STK11IP: variants seen among roughly 807,000 people sequenced by gnomAD.
STK11IP encodes the protein serine/threonine-protein kinase 11-interacting protein.
In STK11IP, 103 loss-of-function variants were observed where a neutral mutation model predicts 131.7. That is an observed-to-expected ratio of 0.78 (90% CI 0.67 to 0.92). STK11IP has a LOEUF of 0.92. Among genes scored for constraint, STK11IP ranks in the 40% least tolerant of loss-of-function variants. The probability of loss-of-function intolerance (pLI) is 0.00; values close to 1 mark genes in which losing one functional copy is unlikely to be tolerated. For missense variants in STK11IP, 1,315 were observed against 1,385.7 expected, an observed-to-expected ratio of 0.95 and a Z score of 0.81; for synonymous variants, 557 against 575.6, an observed-to-expected ratio of 0.97 and a Z score of 0.46.
Position 219,611,832 on chromosome 2 carries a change from C to A in STK11IP, c.2333C>A (p.Pro778His). The part of the protein sequence containing the change: ...TRDHGSWSLS[P>H]PPERCGLRSV... ...GACCATGGTAGTTGGAGCCTCAGTC[C>A]CCGTGAGTATAGGCAAAACAAGACA... The change falls in exon 18 of 25, where the codon CCC (proline) becomes CAC (histidine). Residue 778 changes from proline to histidine, a missense_variant and splice_region_variant. Transcript: ENST00000456909. 6.2e-7 allele frequency: 1 copy of A among 1,610,896 alleles called. No individual in the cohort carries two copies. Among genetic ancestry groups the A allele is most frequent in the Non-Finnish European group, 8.5e-7 (1 of 1,178,848 alleles).
Position 219,613,240 on chromosome 2 carries a change from A to T in STK11IP, c.2537+15A>T. On this transcript the variant is annotated intron_variant, in intron 20 of 24. Transcript: ENST00000456909. ...GGGGAGATGCGGTGAGTGAGAGGGG[A>T]GATGCAGTGAGTAAGGGGGGAGATG... 1 of 1,293,644 alleles carries T rather than the reference A, an allele frequency of 7.7e-7. No individual in the cohort carries two copies. The highest frequency in any genetic ancestry group is 1.1e-6 in the Non-Finnish European group (1 of 935,472). The allele number at this position is 1,293,644 out of a possible 1,614,324, so 80.1% of individuals were successfully genotyped here. A position where few individuals can be genotyped will look rare whatever the true frequency, so the allele number is the denominator to read the frequency against.
intron 2 of STK11IP, among the ~76,000 whole-genome samples, chr2:219,599,077 C>G (rs949021071): frequency 3.9e-5 from 6 of 152,082 alleles, no homozygotes; most frequent in African/African-American, 1.4e-4. Flanking sequence ...CTCTTTATAG[C>G]AGTTTTCTTT....
chr2:219,608,795 G>C lies in STK11IP; in HGVS notation c.1809+7G>C, dbSNP rs770187005. The C allele has an allele frequency of 6.3e-7, 1 of 1,591,660 alleles. No individual in the cohort carries two copies. The highest frequency in any genetic ancestry group is 1.1e-5 in the South Asian group (1 of 88,554). ...GAGGTCGCCCAGGCCCACGGTGAGT[G>C]GGGCGTGGCAGGGTCTCTGGAGGAG... On this transcript the variant is annotated splice_region_variant and intron_variant, in intron 15 of 24. Transcript: ENST00000456909.
intron 8 of STK11IP, 41 bp downstream of exon 8, chr2:219,605,775 G>A (rs142038059): frequency 1.3e-6 from 2 of 1,585,322 alleles, no homozygotes; most frequent in Middle Eastern, 1.7e-4. Flanking sequence ...GGAGGGGAAG[G>A]GGGAGAGTGA....
intron 10 of STK11IP, 50 bp downstream of exon 10, chr2:219,606,340 TC>T: frequency 6.5e-7 from 1 of 1,545,574 alleles, no homozygotes; most frequent in Non-Finnish European, 8.8e-7. Context: ...TGCCCAGTCC[TC>T]CCCCACCTTG....
chr2:219,610,579 T>G (rs1053243888), intron 17 of STK11IP, among the ~76,000 whole-genome samples: 1 of 152,100 alleles, frequency 6.6e-6, no homozygotes, highest in African/African-American at 2.4e-5. Context: ...ATTTTTTGTA[T>G]TTTTAGTAGA....
In STK11IP at chr2:219,615,321, C is replaced by A; in HGVS notation, c.3097C>A (p.Arg1033=). The A allele has an allele frequency of 1.2e-6, 2 of 1,601,576 alleles. No homozygotes were observed. Among genetic ancestry groups the A allele is most frequent in the Non-Finnish European group, 1.7e-6 (2 of 1,179,024 alleles). The change falls in exon 24 of 25, where the codon CGG becomes AGG. Residue 1033 remains arginine, a synonymous_variant. Coordinates refer to ENST00000456909, the MANE Select transcript of STK11IP (RefSeq NM_052902.4). ...LLYRSAPEDL[R]LLFYDEVSRL... ...CTACCGCTCAGCCCCTGAGGACTTG[C>A]GGCTGCTCTTCTACGATGAGGTGTG...
chr2:219,598,472 G>C (rs999837710), intron 2 of STK11IP: 4 of 350,608 alleles, frequency 1.1e-5, no homozygotes, highest in Non-Finnish European at 2.1e-5. Flanking sequence ...CTCAGGACCA[G>C]GGACTGATCT....
At position 219,608,067 on chromosome 2, in the gene STK11IP, C is replaced by G. The variant is rs758197677; in HGVS notation, c.1240C>G (p.Pro414Ala). ...SPAGWFVQQH[P>A]ELELMSSFRE... ...CCTAGGATGGTTCGTGCAGCAGCAC[C>G]CGGAGCTGGAGCTCATGAGCAGCTT... Residue 414 changes from proline to alanine, a missense_variant, in exon 14 of 25, where the codon CCG becomes GCG. Transcript: ENST00000456909. 6.2e-7 allele frequency: 1 copy of G among 1,612,014 alleles called. No individual in the cohort carries two copies. Among genetic ancestry groups the G allele is most frequent in the Admixed American group, 1.7e-5 (1 of 60,012 alleles).
rs763386132 is a variant in STK11IP at position 219,602,694 on chromosome 2, G to A, written c.547-11G>A. ...AACATCGATTCTCTGCCTCCTCCCC[G>A]TCTCTCTCAGCGCCTCTTGTCAGCT... On this transcript the variant is annotated splice_polypyrimidine_tract_variant and intron_variant, in intron 6 of 24. Coordinates refer to ENST00000456909, the MANE Select transcript of STK11IP (RefSeq NM_052902.4). The A allele has an allele frequency of 2.0e-5, 32 of 1,613,350 alleles. No individual in the cohort carries two copies. The highest frequency in any genetic ancestry group is 1.6e-4 in the Middle Eastern group (1 of 6,084).
chr2:219,600,074 T>C, intron 2 of STK11IP, among the ~76,000 whole-genome samples: 1 of 143,446 alleles, frequency 7.0e-6, no homozygotes, highest in Non-Finnish European at 1.5e-5. Flanking sequence ...TTTTTTTTTT[T>C]TTTTTTGAGA....
chr2:219,603,228 G>A (rs775242607), intron 7 of STK11IP, among the ~76,000 whole-genome samples: 7 of 152,016 alleles, frequency 4.6e-5, no homozygotes, highest in Non-Finnish European at 8.8e-5. Context: ...TTTTAGTAGA[G>A]ATGGGGTTTC....
At position 219,605,804 on chromosome 2, in the gene STK11IP, G is replaced by A. The variant is rs1315678356; in HGVS notation, c.745+70G>A. ...AGAGTGAGGCTGGGGCTGGCCTGGG[G>A]ACCATGTGCCTCTAGAGCCTTGAGA... On this transcript the variant is annotated intron_variant, in intron 8 of 24. Coordinates refer to ENST00000456909, the MANE Select transcript of STK11IP (RefSeq NM_052902.4). 2.6e-6 allele frequency: 4 copies of A among 1,551,816 alleles called. No individual in the cohort carries two copies. The African/African-American group carries it at 4.1e-5, about 16-fold the overall frequency.
intron 24 of STK11IP, chr2:219,615,652 G>A (rs1312940707): frequency 6.6e-5 from 43 of 650,216 alleles, no homozygotes; most frequent in South Asian, 2.9e-4. Flanking sequence ...TATGCCAGCC[G>A]TTTGGCCTTT....
rs752888789 is a variant in STK11IP, at chr2:219,601,451, T to G, written c.267+11T>G. 6.2e-7 allele frequency: 1 copy of G among 1,613,744 alleles called. No homozygotes were observed. Among genetic ancestry groups the G allele is most frequent in the Non-Finnish European group, 8.5e-7 (1 of 1,179,768 alleles). ...ACACTTTCACTCAAGGTTCTGGGTG[T>G]GGGGAAGAGGCAGGATGTGCAAGGA... On this transcript the variant is annotated intron_variant, in intron 3 of 24. Coordinates refer to ENST00000456909, the MANE Select transcript of STK11IP (RefSeq NM_052902.4).
rs953569661 is a variant in STK11IP at position 219,608,254 on chromosome 2, C to G, written c.1427C>G (p.Ala476Gly). The change falls in exon 14 of 25, where the codon GCC (alanine) becomes GGC (glycine). Residue 476 changes from alanine to glycine, a missense_variant. Ala to Gly is a moderately conservative substitution (Grantham distance 60, BLOSUM62 0). Coordinates refer to ENST00000456909, the MANE Select transcript of STK11IP (RefSeq NM_052902.4). ...APRPSPPQEE[A>G]RGPQESPQKM... ...AGACCTTCACCCCCGCAGGAGGAAG[C>G]CAGAGGCCCCCAGGAGTCACCACAG... is the stretch of plus-strand genomic sequence containing the variant. 2.5e-6 allele frequency: 4 copies of G among 1,613,406 alleles called. No homozygotes were observed. The highest frequency in any genetic ancestry group is 2.7e-5 in the African/African-American group (2 of 74,926).
chr2:219,608,214 C>T lies in STK11IP; in HGVS notation c.1387C>T (p.Pro463Ser), dbSNP rs1451033661. The T allele has an allele frequency of 2.5e-6, 4 of 1,613,534 alleles. No individual in the cohort carries two copies. Among genetic ancestry groups the T allele is most frequent in the African/African-American group, 2.7e-5 (2 of 74,928 alleles). Residue 463 changes from proline (P) to serine (S), a missense_variant, in exon 14 of 25, where the codon CCC (proline) becomes TCC (serine). Coordinates refer to ENST00000456909, the MANE Select transcript of STK11IP (RefSeq NM_052902.4). Reference protein sequence around the residue: ...PSAPPASSQGPDTAPRPSPPQ... With the variant: ...PSAPPASSQGSDTAPRPSPPQ... ...TGCACCTCCAGCCAGCTCCCAGGGC[C>T]CCGACACTGCACCCAGACCTTCACC...
chr2:219,608,298 A>T lies in STK11IP; in HGVS notation c.1471A>T (p.Arg491Trp). The change falls in exon 14 of 25, where the codon AGG (arginine) becomes TGG (tryptophan). Residue 491 changes from arginine (R) to tryptophan (W), a missense_variant. Physicochemically the swap from Arg to Trp is moderately radical, Grantham distance 101. Transcript: ENST00000456909. ...ACCACAGAAAATGTCAGAGGAGGTC[A>T]GGGCGGAGCCACAGGAGGAGGAAGA... ...ESPQKMSEEVRAEPQEEEEEK... is the reference protein window; with the variant it reads ...ESPQKMSEEVWAEPQEEEEEK... The T allele has an allele frequency of 6.2e-7, 1 of 1,611,174 alleles. No homozygotes were observed. The highest frequency in any genetic ancestry group is 8.5e-7 in the Non-Finnish European group (1 of 1,178,764).
At position 219,609,498 on chromosome 2, in the gene STK11IP, T is replaced by C. The variant is rs765268436; in HGVS notation, c.2062T>C (p.Leu688=). The change falls in exon 17 of 25, where the codon TTA becomes CTA. Residue 688 remains leucine, a synonymous_variant. Transcript: ENST00000456909. The part of the protein sequence containing the change: ...EFKPEEPRMG[L]DSEEGWRPLF... ...CAAGCCAGAGGAGCCCAGGATGGGA[T>C]TAGACAGTGAGGAAGGCTGGAGGCC... is the stretch of plus-strand genomic sequence containing the variant. 2 of 1,595,628 alleles carry C rather than the reference T, an allele frequency of 1.3e-6. No homozygotes were observed. The highest frequency in any genetic ancestry group is 4.5e-5 in the East Asian group (2 of 44,196).
Sources: allele counts gnomAD v4.1 joint callset (sites outside exome capture counted in the v4.1 genomes callset), GRCh38; gene constraint gnomAD v4.1.1; transcripts MANE v1.5; gene names NCBI Gene and HGNC (gene_info 2026-07-23, HGNC 2026-07-21).